NKAIN2: variants seen among roughly 807,000 people sequenced by gnomAD.
The protein encoded by NKAIN2 is sodium/potassium-transporting ATPase subunit beta-1-interacting protein 2.
A neutral mutation model predicts 32.6 loss-of-function variants in NKAIN2; 14 were observed. That is an observed-to-expected ratio of 0.43 (90% CI 0.28 to 0.67). NKAIN2 has a LOEUF of 0.67. Ranked by LOEUF, NKAIN2 falls within the 30% of genes least tolerant of loss-of-function variation. The pLI, the probability that NKAIN2 is intolerant of heterozygous loss-of-function variation, is 0.17. For missense variants in NKAIN2, 198 were observed against 258.3 expected (o/e 0.77, Z 1.60); for synonymous variants, 80 against 87.2 (o/e 0.92, Z 0.46).
At chr6:124,436,925 C>T (rs926830921) in intron 3 of NKAIN2, among the ~76,000 whole-genome samples, 1 of 152,148 alleles carries the variant, frequency 6.6e-6, no homozygotes, top group African/African-American at 2.4e-5. Context: ...CTCTCCCCAT[C>T]ACCTTTATCA....
intron 5 of NKAIN2, among the ~76,000 whole-genome samples, chr6:124,793,763 AG>A (rs1779868550): frequency 6.6e-6 from 1 of 151,552 alleles, no homozygotes; most frequent in African/African-American, 2.4e-5. Flanking sequence ...AACATTTCTG[AG>A]AGTACTGCCA....
At chr6:124,039,631 A>G (rs1381184683) in intron 1 of NKAIN2, among the ~76,000 whole-genome samples, 3 of 151,976 alleles carry the variant, frequency 2.0e-5, no homozygotes, top group Admixed American at 2.0e-4. Context: ...TTTAATTTTA[A>G]CAATAGGCAA....
chr6:124,476,068 G>C (rs1777194998), intron 3 of NKAIN2, among the ~76,000 whole-genome samples: 1 of 15,226 alleles, frequency 6.6e-5, no homozygotes, highest in South Asian at 5.0e-3. Context: ...GAGAGAGAGT[G>C]TGTGTGTGTG....
At chr6:124,819,227 T>G (rs976834352) in intron 6 of NKAIN2, 1 of 356,998 alleles carries the variant, frequency 2.8e-6, no homozygotes, top group Non-Finnish European at 3.9e-6. Flanking sequence ...GATATGTGTT[T>G]GTTGTCGTTG....
At chr6:124,229,894 A>G (rs1792356645) in intron 1 of NKAIN2, among the ~76,000 whole-genome samples, 1 of 152,166 alleles carries the variant, frequency 6.6e-6, no homozygotes, top group Non-Finnish European at 1.5e-5. Context: ...CAGCATAAAA[A>G]TGGACTAATA....
intron 1 of NKAIN2, among the ~76,000 whole-genome samples, chr6:123,818,393 A>G (rs1773789221): frequency 6.6e-6 from 1 of 150,480 alleles, no homozygotes; most frequent in South Asian, 2.1e-4. Flanking sequence ...ACACACACAC[A>G]CACACACAGA....
At chr6:123,996,979 A>C (rs1375601742) in intron 1 of NKAIN2, among the ~76,000 whole-genome samples, 1 of 152,202 alleles carries the variant, frequency 6.6e-6, no homozygotes, top group Admixed American at 6.5e-5. Flanking sequence ...TTGTTTAGAA[A>C]AATAGACCTG....
At chr6:124,113,477 T>C (rs889762481) in intron 1 of NKAIN2, among the ~76,000 whole-genome samples, 1 of 152,152 alleles carries the variant, frequency 6.6e-6, no homozygotes, top group African/African-American at 2.4e-5. Flanking sequence ...GTTTGCTCAC[T>C]CTGTGCTGAG....
chr6:124,823,153 A>C, intron 6 of NKAIN2, 67 bp from the exon 7 acceptor site: 2 of 1,097,122 alleles, frequency 1.8e-6, no homozygotes, highest in Non-Finnish European at 2.8e-6. Flanking sequence ...AAAGGTGAGA[A>C]AAGGTGGTGA....
intron 2 of NKAIN2, among the ~76,000 whole-genome samples, chr6:124,332,594 T>C (rs1555379): frequency 0.46 from 70,011 of 151,890 alleles, 16,304 homozygotes; most frequent in South Asian, 0.53. Context: ...TCTCATGATA[T>C]ATTCGTTAAG....
intron 2 of NKAIN2, among the ~76,000 whole-genome samples, chr6:124,312,176 A>T (rs147589047): frequency 1.2e-3 from 190 of 152,296 alleles, no homozygotes; most frequent in African/African-American, 4.4e-3. Flanking sequence ...TGTGAGTGAA[A>T]AAAACACAAA....
chr6:124,620,869 G>A (rs546122249), intron 3 of NKAIN2, among the ~76,000 whole-genome samples: 1 of 152,116 alleles, frequency 6.6e-6, no homozygotes, highest in Non-Finnish European at 1.5e-5. Context: ...TTTGCCAGAG[G>A]GAACAAAAAC....
At chr6:123,986,466 G>GCT (rs201657646) in intron 1 of NKAIN2, among the ~76,000 whole-genome samples, 1 of 151,578 alleles carries the variant, frequency 6.6e-6, no homozygotes, top group African/African-American at 2.4e-5. Flanking sequence ...TCTGGTAAAT[G>GCT]ACTGTTGGTG....
At chr6:124,785,776 G>A (rs548919763) in intron 4 of NKAIN2, among the ~76,000 whole-genome samples, 9 of 152,224 alleles carry the variant, frequency 5.9e-5, no homozygotes, top group South Asian at 2.1e-4. Context: ...TGGGGGTGGC[G>A]GACTGGCCTC....
At chr6:124,002,268 T>G (rs1297430434) in intron 1 of NKAIN2, among the ~76,000 whole-genome samples, 3 of 152,096 alleles carry the variant, frequency 2.0e-5, no homozygotes, top group Non-Finnish European at 2.9e-5. Flanking sequence ...AATACGTGGT[T>G]GGGGATAGAG....
At chr6:124,359,671 G>A (rs941648155) in intron 3 of NKAIN2, among the ~76,000 whole-genome samples, 23 of 152,054 alleles carry the variant, frequency 1.5e-4, no homozygotes, top group African/African-American at 4.8e-4. Flanking sequence ...GGAGATTTTG[G>A]GCTGAGACAA....
chr6:124,362,627 C>T (rs568012349), intron 3 of NKAIN2, among the ~76,000 whole-genome samples: 4 of 152,130 alleles, frequency 2.6e-5, no homozygotes, highest in Non-Finnish European at 5.9e-5. Context: ...TCAGTCTTGA[C>T]CTTGTTGCTA....
chr6:123,817,868 A>C (rs1021613860), intron 1 of NKAIN2, among the ~76,000 whole-genome samples: 2 of 152,120 alleles, frequency 1.3e-5, no homozygotes. Context: ...CATTTGTGGG[A>C]GTATTGACTG....
chr6:124,461,084 T>G (rs1000749155), intron 3 of NKAIN2, among the ~76,000 whole-genome samples: 3 of 151,832 alleles, frequency 2.0e-5, no homozygotes, highest in Non-Finnish European at 2.9e-5. Context: ...ATTTTAGATT[T>G]AGTTGAATTC....
Sources: gnomAD v4.1 joint callset for allele counts (sites outside exome capture counted in the v4.1 genomes callset) on GRCh38, gnomAD v4.1.1 for gene constraint, MANE v1.5 for transcripts, NCBI Gene and HGNC (gene_info 2026-07-23, HGNC 2026-07-21) for gene names.